PHACTR3: variants seen among roughly 807,000 people sequenced by gnomAD.
The protein encoded by PHACTR3 is phosphatase and actin regulator 3, also known as protein phosphatase 1, regulatory subunit 123.
Under a neutral mutation model 66.8 loss-of-function variants are expected in PHACTR3, and 16 were observed. That is an observed-to-expected ratio of 0.24 (90% CI 0.16 to 0.36). The LOEUF (loss-of-function observed/expected upper bound fraction) is 0.36. Ranked by LOEUF, PHACTR3 falls within the 10% of genes least tolerant of loss-of-function variation. The pLI is 1.00. For synonymous variants in PHACTR3, 323 were observed against 292.1 expected, an observed-to-expected ratio of 1.11 and a Z score of -1.08; for missense variants, 647 against 719.9, an observed-to-expected ratio of 0.90 and a Z score of 1.16.
At chr20:59,733,472 G>T (rs529211477) in intron 1 of PHACTR3, among the ~76,000 whole-genome samples, 1 of 152,252 alleles carries the variant, frequency 6.6e-6, no homozygotes, top group Admixed American at 6.5e-5. Flanking sequence ...CAGTGCTTCC[G>T]TGTGAGGTTA....
chr20:59,663,599 G>A (rs534971125), intron 1 of PHACTR3, among the ~76,000 whole-genome samples: 10 of 152,260 alleles, frequency 6.6e-5, no homozygotes, highest in Non-Finnish European at 1.3e-4. Flanking sequence ...AGGTTAGTAA[G>A]GGTGTGTGCT....
chr20:59,677,856 CA>C (rs2036505188), intron 1 of PHACTR3, among the ~76,000 whole-genome samples: 1 of 151,784 alleles, frequency 6.6e-6, no homozygotes, highest in Non-Finnish European at 1.5e-5. Context: ...GAGGTTCATT[CA>C]GAAATAATCA....
chr20:59,637,969 C>T (rs940879859), intron 1 of PHACTR3, among the ~76,000 whole-genome samples: 1 of 152,166 alleles, frequency 6.6e-6, no homozygotes, highest in African/African-American at 2.4e-5. Context: ...CCATTTTGAG[C>T]ATGAGGAAAC....
chr20:59,689,092 G>C (rs541568257), intron 1 of PHACTR3, among the ~76,000 whole-genome samples: 1 of 152,192 alleles, frequency 6.6e-6, no homozygotes, highest in Admixed American at 6.5e-5. Flanking sequence ...TTTTAAATGC[G>C]TGTCTTAAGA....
chr20:59,828,498 G>T (rs957203671), intron 8 of PHACTR3, among the ~76,000 whole-genome samples: 1 of 152,178 alleles, frequency 6.6e-6, no homozygotes, highest in Non-Finnish European at 1.5e-5. Flanking sequence ...TGCAGATAGG[G>T]TGTTATGTTG....
chr20:59,722,262 A>T (rs575336020), intron 1 of PHACTR3, among the ~76,000 whole-genome samples: 2 of 142,992 alleles, frequency 1.4e-5, no homozygotes, highest in Admixed American at 1.4e-4. Flanking sequence ...GTGGCACCTC[A>T]GATTGAACTG....
intron 6 of PHACTR3, among the ~76,000 whole-genome samples, chr20:59,773,983 G>A (rs1460922325): frequency 6.6e-6 from 1 of 152,186 alleles, no homozygotes; most frequent in African/African-American, 2.4e-5. Context: ...TGAAGTCCTC[G>A]CCCTGAACAT....
chr20:59,815,080 G>C (rs1252870004), intron 8 of PHACTR3, among the ~76,000 whole-genome samples: 2 of 152,172 alleles, frequency 1.3e-5, no homozygotes, highest in African/African-American at 4.8e-5. Flanking sequence ...GGACTGGGAA[G>C]TTCAGGGAAC....
At chr20:59,729,130 G>C (rs2038673540) in intron 1 of PHACTR3, among the ~76,000 whole-genome samples, 1 of 152,110 alleles carries the variant, frequency 6.6e-6, no homozygotes, top group Non-Finnish European at 1.5e-5. Flanking sequence ...TCCTGTGGAA[G>C]CCACTGGAGG....
chr20:59,670,610 G>GGC (rs2036161262), intron 1 of PHACTR3, among the ~76,000 whole-genome samples: 1 of 137,148 alleles, frequency 7.3e-6, no homozygotes, highest in Admixed American at 7.3e-5. Context: ...GGGGGTGGGG[G>GGC]GGGGGGGCAG....
intron 9 of PHACTR3, 149 bp from the exon 10 acceptor site, chr20:59,840,220 A>G: frequency 7.7e-7 from 1 of 1,299,478 alleles, no homozygotes; most frequent in Non-Finnish European, 1.0e-6. Context: ...AGTGACTGAC[A>G]AAGTGGGAAG....
chr20:59,743,301 T>A (rs779242278), intron 2 of PHACTR3, 33 bp downstream of exon 2: 5 of 1,611,062 alleles, frequency 3.1e-6, no homozygotes, highest in East Asian at 4.5e-5. Context: ...GGGCAGGCTG[T>A]GGCTGGGACC....
intron 3 of PHACTR3, among the ~76,000 whole-genome samples, chr20:59,750,702 G>A (rs548855830): frequency 5.9e-5 from 9 of 152,290 alleles, no homozygotes; most frequent in South Asian, 2.1e-4. Flanking sequence ...CGAGGAGCCC[G>A]AGTGTCTCTG....
rs78380137 is a variant in PHACTR3 at position 59,746,276 on chromosome 20, T to A, written c.281-1482T>A. On this transcript the variant is annotated intron_variant, in intron 2 of 12. Coordinates refer to ENST00000371015, the MANE Select transcript of PHACTR3 (RefSeq NM_080672.5). ...GATGGGATGGGTTTCCCCAGACAAC[T>A]GCCCCCCAGTCAGTCCCCCGCCCCA... 5.9e-3 allele frequency among the ~76,000 whole-genome samples: 905 copies of A among 152,306 alleles called. 7 individuals carry two copies. The highest frequency in any genetic ancestry group is 0.021 in the African/African-American group (858 of 41,572).
intron 1 of PHACTR3, among the ~76,000 whole-genome samples, chr20:59,674,570 TTCTCCTGTTCCCCCCTTCTCCTG>T: frequency 7.8e-5 from 3 of 38,400 alleles, no homozygotes; most frequent in Non-Finnish European, 1.2e-4. Flanking sequence ...TATTCCCCGC[TTCTCCTGTTCCCCCCTTCTCCTG>T]TCCCCGCTTC....
intron 7 of PHACTR3, among the ~76,000 whole-genome samples, chr20:59,788,540 G>A (rs1444755448): frequency 2.0e-5 from 3 of 152,128 alleles, no homozygotes; most frequent in South Asian, 4.1e-4. Context: ...GCCCCTAAAG[G>A]TGAGCAGGCC....
intron 1 of PHACTR3, among the ~76,000 whole-genome samples, chr20:59,625,823 AG>A (rs943277447): frequency 3.9e-5 from 6 of 152,200 alleles, no homozygotes; most frequent in African/African-American, 1.4e-4. Context: ...GCTCCTGGGC[AG>A]GGGCTGACTT....
intron 7 of PHACTR3, among the ~76,000 whole-genome samples, chr20:59,796,920 G>T (rs2041266475): frequency 6.6e-6 from 1 of 152,140 alleles, no homozygotes; most frequent in Admixed American, 6.5e-5. Context: ...TTTTTCACCT[G>T]TAGTTTTGTT....
intron 9 of PHACTR3, among the ~76,000 whole-genome samples, chr20:59,840,103 G>C (rs1259245133): frequency 1.3e-5 from 2 of 152,196 alleles, no homozygotes; most frequent in African/African-American, 4.8e-5. Context: ...AGCCATATCT[G>C]TGGTTGTTTC....
Sources: gnomAD v4.1 joint callset for allele counts (sites outside exome capture counted in the v4.1 genomes callset) on GRCh38, gnomAD v4.1.1 for gene constraint, MANE v1.5 for transcripts, NCBI Gene and HGNC (gene_info 2026-07-23, HGNC 2026-07-21) for gene names.